The following TRIM2 variants were observed in gnomAD, a reference collection of about 807,000 sequenced individuals.
The protein encoded by TRIM2 is tripartite motif-containing protein 2.
In TRIM2, 20 loss-of-function variants were observed where a neutral mutation model predicts 75.2. The observed-to-expected ratio is 0.27, with a 90% CI of 0.19 to 0.39. TRIM2 has a LOEUF of 0.39. TRIM2 is among the 10% of genes least tolerant of loss of function. The pLI, the probability that TRIM2 is intolerant of heterozygous loss-of-function variation, is 1.00. For synonymous variants in TRIM2, 373 were observed against 388.3 expected, an observed-to-expected ratio of 0.96 and a Z score of 0.46; for missense variants, 660 against 990.8, an observed-to-expected ratio of 0.67 and a Z score of 4.48.
At position 153,292,555 on chromosome 4, in the gene TRIM2, T is replaced by G. The variant is rs1419599995; in HGVS notation, c.454-427T>G. Among the ~76,000 whole-genome samples, 4 of 152,238 alleles carry G rather than the reference T, an allele frequency of 2.6e-5. No individual in the cohort carries two copies. The South Asian group carries it at 8.3e-4, about 32-fold the overall frequency. On this transcript the variant is annotated intron_variant, in intron 3 of 11. Coordinates refer to ENST00000338700, the MANE Select transcript of TRIM2 (RefSeq NM_015271.5). ...ATCCTCCAGCCTTGGCCTCCCAAAG[T>G]GCTGGGATTATAGGCATACGCCACT...
chr4:153,314,375 C>G (rs1767104663), intron 6 of TRIM2, among the ~76,000 whole-genome samples: 1 of 141,154 alleles, frequency 7.1e-6, no homozygotes, highest in Non-Finnish European at 1.5e-5. Flanking sequence ...AGCCGAGATC[C>G]CGCCACTGCA....
At chr4:153,203,153 C>T (rs1734609730), upstream of TRIM2, among the ~76,000 whole-genome samples, 1 of 146,196 alleles carries the variant, frequency 6.8e-6, no homozygotes. Flanking sequence ...GTTTGGGAGA[C>T]AGAAAGAAGC....
At chr4:153,222,062 A>AAGGAGGGAGGGAGCGAGGT (rs1553966652) in intron 1 of TRIM2, among the ~76,000 whole-genome samples, 1 of 147,808 alleles carries the variant, frequency 6.8e-6, no homozygotes, top group African/African-American at 2.5e-5. Context: ...GGGAGGAAGG[A>AAGGAGGGAGGGAGCGAGGT]AGGAAGGAAA....
intron 1 of TRIM2, among the ~76,000 whole-genome samples, chr4:153,165,021 G>A (rs4696173): frequency 0.47 from 71,556 of 151,728 alleles, 17,474 homozygotes; most frequent in Non-Finnish European, 0.55. Flanking sequence ...GATATGTCAC[G>A]ATTATTAAAG....
At chr4:153,220,451 G>C (rs1236405502) in intron 1 of TRIM2, among the ~76,000 whole-genome samples, 1 of 152,076 alleles carries the variant, frequency 6.6e-6, no homozygotes, top group African/African-American at 2.4e-5. Flanking sequence ...ATGTATTAAA[G>C]ACTATTAGGA....
chr4:153,330,425 T>C (rs1771200822), intron 11 of TRIM2, among the ~76,000 whole-genome samples: 1 of 152,172 alleles, frequency 6.6e-6, no homozygotes, highest in African/African-American at 2.4e-5. Context: ...TTAACAAATA[T>C]AATTCAGCAA....
chr4:153,281,142 CA>C (rs1404050733), intron 3 of TRIM2, among the ~76,000 whole-genome samples: 9 of 152,140 alleles, frequency 5.9e-5, no homozygotes, highest in Admixed American at 4.6e-4. Flanking sequence ...CAGTTCTTTT[CA>C]AATTAACTAC....
chr4:153,202,569 T>G (rs6846721), upstream of TRIM2, among the ~76,000 whole-genome samples: 40,642 of 151,878 alleles, frequency 0.27, 6,912 homozygotes, highest in East Asian at 0.57. Context: ...CATGGCGGCA[T>G]GCGCCTGTAG....
chr4:153,283,259 A>G (rs1759771366), intron 3 of TRIM2, among the ~76,000 whole-genome samples: 1 of 152,174 alleles, frequency 6.6e-6, no homozygotes, highest in East Asian at 1.9e-4. Context: ...ATCAGCCTGC[A>G]TTCTGTCTCT....
At chr4:153,298,684 G>C (rs538657129) in intron 6 of TRIM2, among the ~76,000 whole-genome samples, 6 of 152,072 alleles carry the variant, frequency 3.9e-5, no homozygotes, top group African/African-American at 1.4e-4. Context: ...TTTTTTTATA[G>C]AGAACACTTA....
chr4:153,240,553 T>C lies in TRIM2; in HGVS notation c.31-29782T>C, dbSNP rs543964542. ...TAAATGGTGTCTTTTCCTACACTGC[T>C]TCTATTATCAGTAGAAGGTTACTAC... On this transcript the variant is annotated intron_variant, in intron 1 of 11. Transcript: ENST00000338700. 1.0e-3 allele frequency among the ~76,000 whole-genome samples: 158 copies of C among 152,342 alleles called. 1 individual carries two copies. The highest frequency in any genetic ancestry group is 1.9e-3 in the Non-Finnish European group (132 of 68,026).
chr4:153,326,210 A>G (rs140223894), intron 10 of TRIM2, among the ~76,000 whole-genome samples: 1 of 152,362 alleles, frequency 6.6e-6, no homozygotes, highest in East Asian at 1.9e-4. Context: ...ATAATTTTTA[A>G]GTAATTAAAT....
chr4:153,153,978 GT>G (rs111589318), intron 1 of TRIM2, among the ~76,000 whole-genome samples: 12 of 151,906 alleles, frequency 7.9e-5, no homozygotes, highest in South Asian at 2.1e-4. Context: ...GGGGGGTGTG[GT>G]TTTTTTTCCT....
At chr4:153,287,926 C>G (rs1370868182) in intron 3 of TRIM2, among the ~76,000 whole-genome samples, 1 of 152,144 alleles carries the variant, frequency 6.6e-6, no homozygotes, top group Non-Finnish European at 1.5e-5. Context: ...GGTCAGCTTG[C>G]AGGAATCCCT....
At chr4:153,253,074 T>G (rs1361415590) in intron 1 of TRIM2, among the ~76,000 whole-genome samples, 1 of 152,180 alleles carries the variant, frequency 6.6e-6, no homozygotes, top group Non-Finnish European at 1.5e-5. Flanking sequence ...ACAGGAGTGG[T>G]ACTCAATCCA....
chr4:153,262,182 G>T (rs1753750085), intron 1 of TRIM2, among the ~76,000 whole-genome samples: 1 of 152,230 alleles, frequency 6.6e-6, no homozygotes, highest in Non-Finnish European at 1.5e-5. Flanking sequence ...CAAGACAACA[G>T]TATTGCAATA....
At chr4:153,176,271 C>T (rs1358490600) in intron 1 of TRIM2, among the ~76,000 whole-genome samples, 11 of 152,060 alleles carry the variant, frequency 7.2e-5, no homozygotes, top group African/African-American at 2.7e-4. Context: ...CTGAGCAACA[C>T]AGTGCGACCT....
intron 1 of TRIM2, among the ~76,000 whole-genome samples, chr4:153,230,328 A>G (rs1305327574): frequency 1.3e-5 from 2 of 152,246 alleles, no homozygotes; most frequent in Admixed American, 6.5e-5. Flanking sequence ...CTGCAGGTGC[A>G]TGCCACCATG....
chr4:153,306,854 G>C (rs1423175640), intron 6 of TRIM2, among the ~76,000 whole-genome samples: 4 of 152,194 alleles, frequency 2.6e-5, no homozygotes, highest in African/African-American at 7.2e-5. Context: ...CCCAGTCCTT[G>C]CCCTGCCAAG....
Sources: allele counts gnomAD v4.1 joint callset (sites outside exome capture counted in the v4.1 genomes callset), GRCh38; gene constraint gnomAD v4.1.1; transcripts MANE v1.5; gene names NCBI Gene and HGNC (gene_info 2026-07-23, HGNC 2026-07-21).